ARL15: variants seen among roughly 807,000 people sequenced by gnomAD.
The protein encoded by ARL15 is ADP-ribosylation factor-like protein 15.
Under a neutral mutation model 25.2 loss-of-function variants are expected in ARL15, and 19 were observed. The ratio of observed to expected loss-of-function variants is 0.75; its 90% CI spans 0.53 to 1.10. ARL15 has a LOEUF of 1.10. ARL15 is among the 50% of genes least tolerant of loss of function. The pLI is 0.00. For synonymous variants in ARL15, 94 were observed against 86.8 expected, an observed-to-expected ratio of 1.08 and a Z score of -0.46; for missense variants, 220 against 246.0, an observed-to-expected ratio of 0.89 and a Z score of 0.71.
intron 4 of ARL15, among the ~76,000 whole-genome samples, chr5:53,958,183 CAAAAAAAAGAAAA>C (rs1747230627): frequency 7.9e-6 from 1 of 127,038 alleles, no homozygotes; most frequent in South Asian, 2.5e-4. Flanking sequence ...GACTCTGTCT[CAAAAAAAAGAAAA>C]AAAAAAAAGA....
intron 4 of ARL15, among the ~76,000 whole-genome samples, chr5:53,976,703 C>T (rs1747937788): frequency 6.6e-6 from 1 of 152,132 alleles, no homozygotes; most frequent in Admixed American, 6.5e-5. Flanking sequence ...TTTGGCATGT[C>T]GAGCTTGAGG....
intron 3 of ARL15, among the ~76,000 whole-genome samples, chr5:54,114,318 C>T (rs1416754559): frequency 2.9e-5 from 4 of 138,592 alleles, no homozygotes; most frequent in South Asian, 2.4e-4. Flanking sequence ...GCAGGAGGAT[C>T]GCTTGAACCC....
At chr5:54,292,554 GT>G (rs1220759552) in intron 1 of ARL15, among the ~76,000 whole-genome samples, 3 of 152,104 alleles carry the variant, frequency 2.0e-5, no homozygotes, top group Non-Finnish European at 4.4e-5. Context: ...CAGATGAACA[GT>G]TTGCATTTCT....
intron 4 of ARL15, among the ~76,000 whole-genome samples, chr5:54,038,373 A>T (rs1249252662): frequency 6.6e-6 from 1 of 152,082 alleles, no homozygotes; most frequent in Non-Finnish European, 1.5e-5. Flanking sequence ...CTTTACCAAT[A>T]CTCTTGTGAT....
intron 1 of ARL15, among the ~76,000 whole-genome samples, chr5:54,293,795 C>G (rs1379633563): frequency 6.6e-6 from 1 of 152,100 alleles, no homozygotes; most frequent in East Asian, 1.9e-4. Flanking sequence ...ACTTTATGCC[C>G]TTCAAACAAC....
At chr5:54,293,574 G>A (rs1758390305) in intron 1 of ARL15, among the ~76,000 whole-genome samples, 1 of 152,166 alleles carries the variant, frequency 6.6e-6, no homozygotes, top group Non-Finnish European at 1.5e-5. Flanking sequence ...CAACCTAGAA[G>A]CAAGGAAAAA....
At chr5:54,203,972 T>G (rs1755791114) in intron 1 of ARL15, among the ~76,000 whole-genome samples, 1 of 152,136 alleles carries the variant, frequency 6.6e-6, no homozygotes, top group Admixed American at 6.6e-5. Context: ...ATGTCCTTAT[T>G]GGCAAACTAA....
At chr5:54,048,916 TG>T (rs1236823454) in intron 4 of ARL15, among the ~76,000 whole-genome samples, 1 of 151,906 alleles carries the variant, frequency 6.6e-6, no homozygotes, top group Non-Finnish European at 1.5e-5. Flanking sequence ...GGAGGTCAGG[TG>T]ATCAAGGAGT....
intron 4 of ARL15, among the ~76,000 whole-genome samples, chr5:53,923,832 T>C (rs914314887): frequency 2.6e-5 from 4 of 152,086 alleles, no homozygotes; most frequent in East Asian, 1.9e-4. Context: ...GCCACTGCAC[T>C]CCAGCCTGGG....
At chr5:54,196,473 A>G (rs1288726238) in intron 1 of ARL15, among the ~76,000 whole-genome samples, 1 of 152,144 alleles carries the variant, frequency 6.6e-6, no homozygotes, top group Non-Finnish European at 1.5e-5. Context: ...TCTCATCCCA[A>G]TAATGGGACT....
At chr5:54,224,381 G>T (rs185511052) in intron 1 of ARL15, among the ~76,000 whole-genome samples, 4 of 152,270 alleles carry the variant, frequency 2.6e-5, no homozygotes, top group African/African-American at 7.2e-5. Context: ...GAAGGAGAAG[G>T]ATTTAATCTT....
At chr5:54,127,724 C>T (rs2112266133) in intron 3 of ARL15, among the ~76,000 whole-genome samples, 1 of 151,640 alleles carries the variant, frequency 6.6e-6, no homozygotes, top group African/African-American at 2.4e-5. Flanking sequence ...AATCCTAAGC[C>T]AAAAGAACAA....
At chr5:53,946,453 A>AG (rs1165329643) in intron 4 of ARL15, among the ~76,000 whole-genome samples, 5 of 102,660 alleles carry the variant, frequency 4.9e-5, no homozygotes, top group African/African-American at 1.7e-4. Flanking sequence ...CGGTCTCAAG[A>AG]GGAAAAAAAA....
intron 1 of ARL15, among the ~76,000 whole-genome samples, chr5:54,201,367 T>C (rs182023237): frequency 6.6e-6 from 1 of 152,254 alleles, no homozygotes; most frequent in East Asian, 1.9e-4. Flanking sequence ...ATGAATAAGA[T>C]TCTTTCCTTG....
chr5:53,986,650 G>A (rs113139261), intron 4 of ARL15, among the ~76,000 whole-genome samples: 4,907 of 152,306 alleles, frequency 0.032, 100 homozygotes, highest in Non-Finnish European at 0.051. Context: ...TAATTCTGAA[G>A]AGAAAGTAAT....
intron 1 of ARL15, among the ~76,000 whole-genome samples, chr5:54,185,448 G>A (rs1235522526): frequency 2.6e-5 from 4 of 152,276 alleles, no homozygotes; most frequent in Non-Finnish European, 5.9e-5. Flanking sequence ...AAGTACAGTT[G>A]ATTTGCCATC....
At chr5:54,202,096 A>T (rs1755741000) in intron 1 of ARL15, among the ~76,000 whole-genome samples, 1 of 152,158 alleles carries the variant, frequency 6.6e-6, no homozygotes, top group Admixed American at 6.6e-5. Flanking sequence ...CTGTCCCTTT[A>T]AGAAGTTTAT....
At chr5:53,911,143 C>T (rs1458136604) in intron 4 of ARL15, among the ~76,000 whole-genome samples, 2 of 152,084 alleles carry the variant, frequency 1.3e-5, no homozygotes, top group Non-Finnish European at 2.9e-5. Context: ...CTTAATTTTA[C>T]CATGGAGTGT....
intron 4 of ARL15, among the ~76,000 whole-genome samples, chr5:54,065,559 C>CA (rs1751200598): frequency 2.2e-5 from 2 of 90,186 alleles, no homozygotes; most frequent in African/African-American, 8.9e-5. Context: ...CCAGCTACTC[C>CA]GGAGGCTGAG....
Sources: gnomAD v4.1 joint callset for allele counts (sites outside exome capture counted in the v4.1 genomes callset) on GRCh38, gnomAD v4.1.1 for gene constraint, MANE v1.5 for transcripts, NCBI Gene and HGNC (gene_info 2026-07-23, HGNC 2026-07-21) for gene names.